Variants in TRPC7 observed in about 807,000 individuals in gnomAD.
TRPC7 encodes short transient receptor potential channel 7.
A neutral mutation model predicts 90.1 loss-of-function variants in TRPC7; 42 were observed. The observed-to-expected ratio is 0.47, with a 90% CI of 0.36 to 0.60. The LOEUF is 0.60. Ranked by LOEUF, TRPC7 falls within the 20% of genes least tolerant of loss-of-function variation. The probability of loss-of-function intolerance (pLI) is 0.00; values close to 1 mark genes in which losing one functional copy is unlikely to be tolerated. For missense variants in TRPC7, 955 were observed against 1,112.3 expected, an observed-to-expected ratio of 0.86 and a Z score of 2.01; for synonymous variants, 451 against 436.3, an observed-to-expected ratio of 1.03 and a Z score of -0.42.
intron 3 of TRPC7, among the ~76,000 whole-genome samples, chr5:136,303,203 A>T (rs1758466708): frequency 6.6e-6 from 1 of 152,234 alleles, no homozygotes. Context: ...GCTCTTTTTC[A>T]TCAAATATAA....
chr5:136,228,878 G>A lies in TRPC7; in HGVS notation c.2040+2476C>T, dbSNP rs181351885. Among the ~76,000 whole-genome samples, 213 of 152,290 alleles carry A rather than the reference G, an allele frequency of 1.4e-3. 5 individuals are homozygous for A. Among genetic ancestry groups the A allele is most frequent in the Non-Finnish European group, 3.2e-4 (22 of 68,018 alleles). On this transcript the variant is annotated intron_variant, in intron 8 of 11. Coordinates refer to ENST00000513104, the MANE Select transcript of TRPC7 (RefSeq NM_020389.3). ...TGTAATACACTCTCTGCATGTCGCG[G>A]CCCCTTTCCGTGGTGGGATAACTTG...
chr5:136,361,668 A>G (rs1179742502), intron 1 of TRPC7, among the ~76,000 whole-genome samples: 7 of 152,236 alleles, frequency 4.6e-5, no homozygotes, highest in Non-Finnish European at 2.9e-5. Context: ...AAAATTCTCT[A>G]TGGAAATTAT....
chr5:136,292,361 T>A (rs1232851112), intron 3 of TRPC7, among the ~76,000 whole-genome samples: 1 of 152,084 alleles, frequency 6.6e-6, no homozygotes, highest in Non-Finnish European at 1.5e-5. Context: ...AGGAGCTGGT[T>A]TTTTGAAAAG....
intron 11 of TRPC7, among the ~76,000 whole-genome samples, chr5:136,215,542 G>T (rs1208090395): frequency 8.5e-5 from 13 of 152,202 alleles, no homozygotes; most frequent in Non-Finnish European, 1.8e-4. Flanking sequence ...TGGAGGAGGG[G>T]CCGGGCGCAG....
chr5:136,216,056 A>G, intron 11 of TRPC7, 144 bp downstream of exon 11: 1 of 682,284 alleles, frequency 1.5e-6, no homozygotes, highest in Non-Finnish European at 2.6e-6. Flanking sequence ...TCTGCCGACA[A>G]CTGAATGAGC....
chr5:136,346,365 C>A (rs1406462257), intron 2 of TRPC7, among the ~76,000 whole-genome samples: 5 of 152,022 alleles, frequency 3.3e-5, no homozygotes, highest in African/African-American at 1.2e-4. Context: ...TTTATTATCC[C>A]CAAACCCAAC....
intron 3 of TRPC7, among the ~76,000 whole-genome samples, chr5:136,292,226 A>T (rs1429505001): frequency 2.0e-5 from 3 of 152,216 alleles, no homozygotes; most frequent in Non-Finnish European, 2.9e-5. Flanking sequence ...CATCACAATT[A>T]AAAGAACTAG....
chr5:136,303,733 C>T (rs951456048), intron 3 of TRPC7: 6 of 151,974 alleles, frequency 3.9e-5, no homozygotes, highest in Non-Finnish European at 8.8e-5. Flanking sequence ...AACTCTGGCC[C>T]AAGGCTCTCT....
At chr5:136,223,260 G>A (rs1435220201) in intron 10 of TRPC7, among the ~76,000 whole-genome samples, 1 of 152,246 alleles carries the variant, frequency 6.6e-6, no homozygotes, top group Admixed American at 6.5e-5. Context: ...ATTCAAGGCA[G>A]TATGGACTCA....
At chr5:136,256,498 C>G (rs1453457680) in intron 5 of TRPC7, among the ~76,000 whole-genome samples, 1 of 152,154 alleles carries the variant, frequency 6.6e-6, no homozygotes, top group African/African-American at 2.4e-5. Context: ...ATCCCTCAAG[C>G]TGGCCTCCCC....
rs1760434581 is a variant in TRPC7, at chr5:136,357,611, C to T, written c.3-226G>A. The stretch of plus-strand genomic sequence containing the variant: ...GACTCAGTTGTCTGCCTCTATACTC[C>T]TTGGGTGGAGACGGGGTGGCAGAGC... On this transcript the variant is annotated intron_variant, in intron 1 of 11. Transcript: ENST00000513104. 2.6e-5 allele frequency among the ~76,000 whole-genome samples: 4 copies of T among 152,210 alleles called. No individual in the cohort carries two copies. In the South Asian group the frequency reaches 6.2e-4, roughly 24 times the overall value.
At chr5:136,319,094 G>T (rs1759113598) in intron 2 of TRPC7, among the ~76,000 whole-genome samples, 1 of 152,038 alleles carries the variant, frequency 6.6e-6, no homozygotes. Context: ...GTGCTCTTGG[G>T]CAGTTTACTC....
At chr5:136,217,584 G>A (rs1287588146) in intron 10 of TRPC7, among the ~76,000 whole-genome samples, 1 of 152,230 alleles carries the variant, frequency 6.6e-6, no homozygotes, top group Non-Finnish European at 1.5e-5. Flanking sequence ...TCAGGCTGAA[G>A]AGTTAATTGG....
In TRPC7 at chr5:136,231,368, A is replaced by G; in HGVS notation, c.2026T>C (p.Tyr676His). The change falls in exon 8 of 12, where the codon TAT (tyrosine) becomes CAT (histidine). Residue 676 changes from tyrosine (Y) to histidine (H), a missense_variant. Around this residue, in one of 4 missense-constraint regions of TRPC7, gnomAD observed 296 missense variants for 422.7 expected, o/e 0.70. Transcript: ENST00000513104. ...CCTGGCCTTACCTCAATTTCCTGAT[A>G]GGAGTTGTTTATCATGGCTATTAGC... Reference protein sequence around the residue: ...NMLIAMINNSYQEIEEDADVE... With the variant: ...NMLIAMINNSHQEIEEDADVE... 6.3e-7 allele frequency: 1 copy of G among 1,594,566 alleles called. No individual in the cohort carries two copies. The highest frequency in any genetic ancestry group is 8.6e-7 in the Non-Finnish European group (1 of 1,164,758).
At chr5:136,325,053 A>G (rs1186101404) in intron 2 of TRPC7, among the ~76,000 whole-genome samples, 1 of 80,622 alleles carries the variant, frequency 1.2e-5, no homozygotes, top group Non-Finnish European at 2.5e-5. Flanking sequence ...TCTGCTTTTG[A>G]CATTTAGGAT....
At chr5:136,300,989 C>T (rs541239067) in intron 3 of TRPC7, among the ~76,000 whole-genome samples, 3 of 152,188 alleles carry the variant, frequency 2.0e-5, no homozygotes, top group Admixed American at 6.5e-5. Flanking sequence ...TGTGCTCCCA[C>T]CCAAAAGAAT....
intron 2 of TRPC7, among the ~76,000 whole-genome samples, chr5:136,319,569 T>C (rs188389590): frequency 2.2e-4 from 33 of 152,328 alleles, no homozygotes; most frequent in African/African-American, 7.7e-4. Flanking sequence ...TCTACATTCA[T>C]GTCTCCATTT....
intron 2 of TRPC7, among the ~76,000 whole-genome samples, chr5:136,355,103 A>T (rs191477850): frequency 1.3e-5 from 2 of 152,220 alleles, no homozygotes; most frequent in African/African-American, 4.8e-5. Context: ...TCTGTGTGCA[A>T]TACCTCTTTG....
intron 2 of TRPC7, among the ~76,000 whole-genome samples, chr5:136,335,768 G>A (rs1410098320): frequency 6.6e-6 from 1 of 151,796 alleles, no homozygotes; most frequent in Non-Finnish European, 1.5e-5. Context: ...GCCAGGCGTG[G>A]TGGCGGGCGC....
Sources: allele counts gnomAD v4.1 joint callset (sites outside exome capture counted in the v4.1 genomes callset), GRCh38; gene constraint gnomAD v4.1.1; regional missense constraint gnomAD v4.1.1; transcripts MANE v1.5; gene names NCBI Gene and HGNC (gene_info 2026-07-23, HGNC 2026-07-21).